CFAP251: variants seen among roughly 807,000 people sequenced by gnomAD.
The protein encoded by CFAP251 is cilia and flagella associated protein 251, also known as cilia- and flagella-associated protein 251.
In CFAP251, 93 loss-of-function variants were observed where a neutral mutation model predicts 126.7. That is an observed-to-expected ratio of 0.73 (90% CI 0.62 to 0.87). The LOEUF is 0.87. Ranked by LOEUF, CFAP251 falls within the 40% of genes least tolerant of loss-of-function variation. The pLI is 0.00. For missense variants in CFAP251, 1,287 were observed against 1,389.2 expected, an observed-to-expected ratio of 0.93 and a Z score of 1.17; for synonymous variants, 503 against 506.9, an observed-to-expected ratio of 0.99 and a Z score of 0.10.
chr12:121,923,620 A>G lies in CFAP251; in HGVS notation c.379-2A>G. 1 of 1,592,814 alleles carries G rather than the reference A, an allele frequency of 6.3e-7. No individual in the cohort carries two copies. Among genetic ancestry groups the G allele is most frequent in the Non-Finnish European group, 8.5e-7 (1 of 1,173,246 alleles). On this transcript the variant is annotated splice_acceptor_variant, in intron 2 of 21. Coordinates refer to ENST00000288912, the MANE Select transcript of CFAP251 (RefSeq NM_144668.6). LOFTEE classifies it high-confidence loss of function. ...ATCATGATATTTTATTTCTTTTTAAAGAAAACCCAAAGAGGTAGCAAGTCA... is the reference window on the plus strand; with the variant it reads ...ATCATGATATTTTATTTCTTTTTAAGGAAAACCCAAAGAGGTAGCAAGTCA...
intron 19 of CFAP251, among the ~76,000 whole-genome samples, chr12:121,976,472 G>C (rs193092022): frequency 7.2e-5 from 11 of 152,172 alleles, no homozygotes; most frequent in African/African-American, 2.7e-4. Flanking sequence ...TTTGGAAGCT[G>C]GGTGCTTGTC....
intron 1 of CFAP251, among the ~76,000 whole-genome samples, chr12:121,919,719 C>T (rs145281020): frequency 4.6e-5 from 7 of 152,196 alleles, no homozygotes; most frequent in Non-Finnish European, 1.0e-4. Flanking sequence ...TGCTTCTTCT[C>T]GTATTCCTGT....
chr12:121,944,323 T>A (rs1720037), intron 7 of CFAP251, among the ~76,000 whole-genome samples: 4 of 151,976 alleles, frequency 2.6e-5, no homozygotes, highest in Non-Finnish European at 5.9e-5. Context: ...TTCCTCTTGC[T>A]CCTAAAAAAT....
Position 121,949,036 on chromosome 12 carries a change from A to G in CFAP251, c.1244A>G (p.Lys415Arg), listed in dbSNP as rs1190229877. The G allele has an allele frequency of 6.3e-7, 1 of 1,590,330 alleles. No homozygotes were observed. The highest frequency in any genetic ancestry group is 1.2e-5 in the South Asian group (1 of 86,210). Residue 415 changes from lysine to arginine, a missense_variant, in exon 8 of 22, where the codon AAA (lysine) becomes AGA (arginine). Lys to Arg is a conservative substitution (Grantham distance 26). Transcript: ENST00000288912. ...TNNKELVSNS[K>R]TRAIYYAWYE... Reference sequence around the variant, plus strand: ...AATAAAGAATTGGTGAGCAATAGTAAAACACGGGCAATATATTATGCATGG... The same window carrying G: ...AATAAAGAATTGGTGAGCAATAGTAGAACACGGGCAATATATTATGCATGG...
At chr12:121,981,837 A>T (rs767491692) in intron 19 of CFAP251, among the ~76,000 whole-genome samples, 1 of 152,220 alleles carries the variant, frequency 6.6e-6, no homozygotes, top group East Asian at 1.9e-4. Flanking sequence ...ACCACGTGCC[A>T]GTTACGACTT....
chr12:121,934,045 G>A (rs963739156), intron 4 of CFAP251, among the ~76,000 whole-genome samples: 2 of 152,142 alleles, frequency 1.3e-5, no homozygotes, highest in African/African-American at 4.8e-5. Context: ...TATCTTTCAG[G>A]TGTTTGGAGG....
At chr12:121,965,393 A>G (rs779108286) in intron 15 of CFAP251, among the ~76,000 whole-genome samples, 1 of 152,212 alleles carries the variant, frequency 6.6e-6, no homozygotes, top group African/African-American at 2.4e-5. Context: ...CCCTCTATTA[A>G]ATTTTATCAT....
At chr12:121,962,993 G>A (rs1005684253) in intron 15 of CFAP251, among the ~76,000 whole-genome samples, 2 of 152,182 alleles carry the variant, frequency 1.3e-5, no homozygotes, top group African/African-American at 2.4e-5. Flanking sequence ...CCAGGCACAC[G>A]GCACCCTGGA....
In CFAP251 at chr12:121,960,407, G is replaced by A. The variant is rs1881889895; in HGVS notation, c.2134-178G>A. On this transcript the variant is annotated intron_variant, in intron 13 of 21. Transcript: ENST00000288912. ...TAATTTTTGTATTTTTAGTAGAGAT[G>A]GGGTTTTGCCATATTGGCCAGGCTG... Among the ~76,000 whole-genome samples the A allele has an allele frequency of 1.3e-5, 2 of 152,066 alleles. 1 individual carries two copies. Among genetic ancestry groups the A allele is most frequent in the South Asian group, 4.1e-4 (2 of 4,824 alleles).
intron 19 of CFAP251, among the ~76,000 whole-genome samples, chr12:121,996,458 G>A (rs888398026): frequency 3.3e-5 from 5 of 152,222 alleles, no homozygotes; most frequent in Non-Finnish European, 2.9e-5. Flanking sequence ...AGAGGCTGAC[G>A]GCAGTGAGGA....
chr12:121,959,180 T>G (rs1881839022), intron 13 of CFAP251, 86 bp downstream of exon 13: 1 of 1,357,278 alleles, frequency 7.4e-7, no homozygotes, highest in Non-Finnish European at 9.9e-7. Flanking sequence ...CTAACACCTG[T>G]AATCCCAATG....
rs376659427 is a variant in CFAP251, at chr12:122,003,786, C to T, written c.*22C>T. ...GTGAAGTTACCAGGAATGTTTAAAG[C>T]ACAAAGGACTTTGGGTGTGTGTGCA... On this transcript the variant is annotated 3_prime_UTR_variant, in exon 22 of 22. Transcript: ENST00000288912. 71 of 1,580,038 alleles carry T rather than the reference C, an allele frequency of 4.5e-5. No individual in the cohort carries two copies. The African/African-American group carries it at 8.8e-4, about 20-fold the overall frequency.
In CFAP251 at chr12:121,954,195, A is replaced by G. The variant is rs774686160; in HGVS notation, c.1396A>G (p.Met466Val). 5 of 1,614,042 alleles carry G rather than the reference A, an allele frequency of 3.1e-6. No individual in the cohort carries two copies. The highest frequency in any genetic ancestry group is 2.7e-5 in the African/African-American group (2 of 74,910). The change falls in exon 10 of 22, where the codon ATG becomes GTG. Residue 466 changes from methionine to valine, a missense_variant. By Grantham distance (21) the Met-to-Val change is conservative. Transcript: ENST00000288912. The part of the protein sequence containing the change: ...LNLTQILSAT[M>V]EGKLVVWDIH... ...TTTAACACAAATACTCTCAGCCACA[A>G]TGGAAGGGAAGCTGGTTGTCTGGGA... is the stretch of plus-strand genomic sequence containing the variant.
Position 121,967,978 on chromosome 12 carries a change from G to A in CFAP251, c.2608-28G>A, listed in dbSNP as rs568320587. On this transcript the variant is annotated intron_variant, in intron 16 of 21. Coordinates refer to ENST00000288912, the MANE Select transcript of CFAP251 (RefSeq NM_144668.6). ...CTCTCGGGCCCAGCTACCTGAGTCT[G>A]AATATCCAATTATGTGTTCCTTTCT... is the stretch of plus-strand genomic sequence containing the variant. The A allele has an allele frequency of 1.3e-4, 211 of 1,581,298 alleles. 3 individuals are homozygous for A. In the South Asian group the frequency reaches 2.1e-3, roughly 16 times the overall value.
At chr12:121,958,877 G>T (rs1399040982) in intron 12 of CFAP251, 66 bp from the exon 13 acceptor site, 4 of 1,517,542 alleles carry the variant, frequency 2.6e-6, no homozygotes, top group Non-Finnish European at 3.5e-6. Flanking sequence ...ACAAAGCCTG[G>T]CACAGACTCA....
intron 3 of CFAP251, among the ~76,000 whole-genome samples, chr12:121,930,744 C>G (rs1880648767): frequency 8.1e-6 from 1 of 123,608 alleles, no homozygotes; most frequent in Non-Finnish European, 1.6e-5. Context: ...AATTAATTGC[C>G]TTTCTTTTTT....
chr12:121,921,170 T>C, intron 1 of CFAP251, 116 bp from the exon 2 acceptor site: 6 of 1,174,876 alleles, frequency 5.1e-6, no homozygotes, highest in Middle Eastern at 2.6e-4. Context: ...ATTCTTTTTA[T>C]TCCTATGGAA....
At chr12:121,978,786 C>T (rs927939396) in intron 19 of CFAP251, among the ~76,000 whole-genome samples, 1 of 152,058 alleles carries the variant, frequency 6.6e-6, no homozygotes, top group Non-Finnish European at 1.5e-5. Flanking sequence ...AGTTGATAGC[C>T]GTGTGAGTTG....
intron 10 of CFAP251, among the ~76,000 whole-genome samples, chr12:121,954,636 TAAAAAAAAAAAAAAAA>T (rs1174239421): frequency 4.5e-4 from 19 of 41,982 alleles, no homozygotes; most frequent in Admixed American, 9.0e-4. Flanking sequence ...CCTCCTGTCT[TAAAAAAAAAAAAAAAA>T]AAAAAAAAAA....
Sources: allele counts gnomAD v4.1 joint callset (sites outside exome capture counted in the v4.1 genomes callset), GRCh38; gene constraint gnomAD v4.1.1; transcripts MANE v1.5; gene names NCBI Gene and HGNC (gene_info 2026-07-23, HGNC 2026-07-21).